The following PLXDC2 variants were observed in gnomAD, a reference collection of about 807,000 sequenced individuals.
PLXDC2 encodes the protein plexin domain-containing protein 2.
PLXDC2 carries 40 observed loss-of-function variants against 68.9 expected under a neutral mutation model. The observed-to-expected ratio is 0.58, with a 90% CI of 0.45 to 0.76. PLXDC2 has a LOEUF of 0.76. Among genes scored for constraint, PLXDC2 ranks in the 30% least tolerant of loss-of-function variants. The probability of loss-of-function intolerance (pLI) is 0.00; values close to 1 mark genes in which losing one functional copy is unlikely to be tolerated. For missense variants in PLXDC2, 644 were observed against 661.9 expected, an observed-to-expected ratio of 0.97 and a Z score of 0.30; for synonymous variants, 243 against 234.2, an observed-to-expected ratio of 1.04 and a Z score of -0.34.
At chr10:20,261,785 C>T (rs780895794) in intron 13 of PLXDC2, among the ~76,000 whole-genome samples, 6 of 152,044 alleles carry the variant, frequency 3.9e-5, no homozygotes, top group Non-Finnish European at 8.8e-5. Flanking sequence ...ACCCGGGAGG[C>T]GGAGGTTGCG....
At chr10:19,945,943 T>C (rs1833894819) in intron 1 of PLXDC2, among the ~76,000 whole-genome samples, 1 of 152,186 alleles carries the variant, frequency 6.6e-6, no homozygotes, top group East Asian at 1.9e-4. Context: ...AAATCCCCTG[T>C]TATAATTTTG....
intron 1 of PLXDC2, among the ~76,000 whole-genome samples, chr10:19,991,720 G>T (rs886447449): frequency 6.6e-6 from 1 of 152,136 alleles, no homozygotes; most frequent in Non-Finnish European, 1.5e-5. Context: ...GTCTATCAGA[G>T]TCTATCAGAC....
chr10:19,929,831 A>G (rs1272259781), intron 1 of PLXDC2, among the ~76,000 whole-genome samples: 2 of 152,196 alleles, frequency 1.3e-5, no homozygotes, highest in Non-Finnish European at 2.9e-5. Context: ...AATGCTCCCC[A>G]CATTCATTTC....
Position 20,098,975 on chromosome 10 carries a change from A to G in PLXDC2, c.541+30736A>G, listed in dbSNP as rs148409913. Among the ~76,000 whole-genome samples, 61 of 152,316 alleles carry G rather than the reference A, an allele frequency of 4.0e-4. No homozygotes were observed. In the Middle Eastern group the frequency reaches 0.01, roughly 25 times the overall value. ...ATGAAGCCAAAAGCTGATAAGCAAAAAAGTGACACAGCTAAGAATGGGAAA... is the reference window on the plus strand; with the variant it reads ...ATGAAGCCAAAAGCTGATAAGCAAAGAAGTGACACAGCTAAGAATGGGAAA... On this transcript the variant is annotated intron_variant, in intron 4 of 13. Coordinates refer to ENST00000377252, the MANE Select transcript of PLXDC2 (RefSeq NM_032812.9).
At chr10:19,950,966 C>T (rs368007135) in intron 1 of PLXDC2, among the ~76,000 whole-genome samples, 43 of 152,208 alleles carry the variant, frequency 2.8e-4, no homozygotes, top group African/African-American at 9.4e-4. Context: ...GAAACTGGAC[C>T]TCTACTTTTT....
At chr10:20,223,496 G>A (rs1474681305) in intron 12 of PLXDC2, among the ~76,000 whole-genome samples, 1 of 151,830 alleles carries the variant, frequency 6.6e-6, no homozygotes, top group East Asian at 1.9e-4. Context: ...ATTTTTAGTA[G>A]AGACAGGGTT....
At chr10:20,143,232 T>C in intron 4 of PLXDC2, 63 bp from the exon 5 acceptor site, 1 of 1,515,260 alleles carries the variant, frequency 6.6e-7, no homozygotes, top group African/African-American at 1.4e-5. Context: ...GTTGGAAGTA[T>C]TTTAATCATA....
At chr10:20,003,597 A>C (rs958376426) in intron 2 of PLXDC2, among the ~76,000 whole-genome samples, 2 of 151,952 alleles carry the variant, frequency 1.3e-5, no homozygotes, top group African/African-American at 4.8e-5. Context: ...CACACCGGCT[A>C]ATTTTTGTAT....
chr10:19,855,410 G>T (rs1348354115), intron 1 of PLXDC2, among the ~76,000 whole-genome samples: 2 of 152,030 alleles, frequency 1.3e-5, no homozygotes, highest in Non-Finnish European at 2.9e-5. Flanking sequence ...TGAGTCCTAG[G>T]TCTACCTCTT....
chr10:19,870,065 T>C (rs914262515), intron 1 of PLXDC2, among the ~76,000 whole-genome samples: 6 of 152,188 alleles, frequency 3.9e-5, no homozygotes, highest in African/African-American at 1.4e-4. Context: ...AGCAGGATGA[T>C]CCCTAAGAGA....
chr10:19,817,006 G>A lies in PLXDC2; in HGVS notation c.-74G>A. 1 of 1,120,318 alleles carries A rather than the reference G, an allele frequency of 8.9e-7. No individual in the cohort carries two copies. The highest frequency in any genetic ancestry group is 1.3e-6 in the Non-Finnish European group (1 of 768,680). 69.4% of individuals were successfully genotyped at this position (1,120,318 alleles called of 1,614,324 possible). On this transcript the variant is annotated 5_prime_UTR_variant, in exon 1 of 14. In the 5' UTR this introduces an upstream ATG that the reference lacks. Transcript: ENST00000377252. ...CCGATCCGCAGCGTTTGGCCCGGTC[G>A]TGCCTATTGCATCGGGAGCCCCCGA...
At chr10:19,859,599 C>A (rs1394197139) in intron 1 of PLXDC2, among the ~76,000 whole-genome samples, 1 of 152,076 alleles carries the variant, frequency 6.6e-6, no homozygotes, top group African/African-American at 2.4e-5. Context: ...GGACCTATCC[C>A]CATTTGTTAA....
chr10:19,939,361 T>A (rs1833778875), intron 1 of PLXDC2, among the ~76,000 whole-genome samples: 1 of 152,064 alleles, frequency 6.6e-6, no homozygotes, highest in Non-Finnish European at 1.5e-5. Flanking sequence ...TGGAGAAAAA[T>A]CTAAAGAAAA....
At chr10:19,818,581 G>A (rs1037934116) in intron 1 of PLXDC2, among the ~76,000 whole-genome samples, 1 of 152,128 alleles carries the variant, frequency 6.6e-6, no homozygotes, top group Non-Finnish European at 1.5e-5. Flanking sequence ...TTTTAAAGCT[G>A]AGAACAAAAT....
At chr10:19,884,986 C>T (rs1232360194) in intron 1 of PLXDC2, among the ~76,000 whole-genome samples, 1 of 152,168 alleles carries the variant, frequency 6.6e-6, no homozygotes, top group East Asian at 1.9e-4. Flanking sequence ...AGAAGTGTTC[C>T]TATTTCTCCA....
intron 1 of PLXDC2, among the ~76,000 whole-genome samples, chr10:19,834,463 G>A (rs1404360951): frequency 2.6e-5 from 4 of 152,144 alleles, no homozygotes; most frequent in Admixed American, 2.6e-4. Context: ...AGAGGTTGGG[G>A]TCTCTGAGGA....
intron 1 of PLXDC2, among the ~76,000 whole-genome samples, chr10:19,917,004 A>T (rs1192293010): frequency 6.6e-6 from 1 of 152,160 alleles, no homozygotes; most frequent in East Asian, 1.9e-4. Flanking sequence ...GAGTTTGAAG[A>T]CCATTCTTTA....
At chr10:19,933,675 C>A (rs1833677339) in intron 1 of PLXDC2, among the ~76,000 whole-genome samples, 1 of 151,828 alleles carries the variant, frequency 6.6e-6, no homozygotes, top group African/African-American at 2.4e-5. Context: ...CACACAAACA[C>A]ACACGCGTGC....
chr10:20,266,721 T>C (rs1402832772), intron 13 of PLXDC2, among the ~76,000 whole-genome samples: 2 of 152,196 alleles, frequency 1.3e-5, no homozygotes, highest in African/African-American at 2.4e-5. Flanking sequence ...AAGAACTGGC[T>C]TTAAAACTAA....
Sources: allele counts gnomAD v4.1 joint callset (sites outside exome capture counted in the v4.1 genomes callset), GRCh38; gene constraint gnomAD v4.1.1; transcripts MANE v1.5; gene names NCBI Gene and HGNC (gene_info 2026-07-23, HGNC 2026-07-21).